POC1B: variants seen among roughly 807,000 people sequenced by gnomAD.
POC1B encodes the protein POC1 centriolar protein homolog B.
POC1B carries 44 observed loss-of-function variants against 60.6 expected under a neutral mutation model. The observed-to-expected ratio is 0.73, with a 90% CI of 0.57 to 0.93. POC1B has a LOEUF of 0.93. Ranked by LOEUF, POC1B falls within the 40% of genes least tolerant of loss-of-function variation. The pLI is 0.00. For missense variants in POC1B, 555 were observed against 572.3 expected, an observed-to-expected ratio of 0.97 and a Z score of 0.31; for synonymous variants, 180 against 198.9, an observed-to-expected ratio of 0.90 and a Z score of 0.80.
chr12:89,434,859 A>G (rs1273065691), intron 10 of POC1B, among the ~76,000 whole-genome samples: 1 of 152,234 alleles, frequency 6.6e-6, no homozygotes, highest in African/African-American at 2.4e-5. Flanking sequence ...ACAAACCCCA[A>G]AGAAAAAAAT....
In POC1B at chr12:89,459,721, G is replaced by A. The variant is rs369151825; in HGVS notation, c.1033-3C>T. The A allele has an allele frequency of 8.1e-5, 118 of 1,453,518 alleles. No individual in the cohort carries two copies. Among genetic ancestry groups the A allele is most frequent in the Non-Finnish European group, 1.0e-4 (114 of 1,088,968 alleles). The allele number at this position is 1,453,518 out of a possible 1,614,324, so 90.0% of individuals were successfully genotyped here. ...ATTACCTCAAGCTTTGGATTAATCTGTGTATATACATAAAAAAAAATTATG... is the reference window on the plus strand; with the variant it reads ...ATTACCTCAAGCTTTGGATTAATCTATGTATATACATAAAAAAAAATTATG... On this transcript the variant is annotated splice_region_variant and splice_polypyrimidine_tract_variant and intron_variant, in intron 9 of 11. Transcript: ENST00000313546.
In POC1B at chr12:89,430,243, A is replaced by G. The variant is rs1290406912; in HGVS notation, c.1114-4864T>C. Among the ~76,000 whole-genome samples the G allele has an allele frequency of 9.9e-5, 15 of 152,198 alleles. 1 individual carries two copies. The highest frequency in any genetic ancestry group is 3.3e-4 in the Admixed American group (5 of 15,280). ...GATCTGACTGATGCAAAGAACTACG[A>G]AAGTCCTGAGAACTGAATACAAAAC... On this transcript the variant is annotated intron_variant, in intron 10 of 11. Coordinates refer to ENST00000313546, the MANE Select transcript of POC1B (RefSeq NM_172240.3).
chr12:89,475,332 G>T (rs1883059922), intron 4 of POC1B, among the ~76,000 whole-genome samples: 1 of 152,182 alleles, frequency 6.6e-6, no homozygotes, highest in Non-Finnish European at 1.5e-5. Flanking sequence ...ACAGGCAGTG[G>T]CTGGGAAGAA....
At chr12:89,522,067 C>T (rs550261234) in intron 2 of POC1B, 6 of 398,984 alleles carry the variant, frequency 1.5e-5, no homozygotes, top group African/African-American at 6.2e-5. Flanking sequence ...CACACAAACA[C>T]GTTCACAGAG....
At chr12:89,442,172 A>C (rs1206722722) in intron 10 of POC1B, among the ~76,000 whole-genome samples, 3 of 152,226 alleles carry the variant, frequency 2.0e-5, no homozygotes, top group Admixed American at 2.0e-4. Context: ...CCAACTTGGA[A>C]AACACTCTTC....
Position 89,492,033 on chromosome 12 carries a change from T to C in POC1B, c.355A>G (p.Thr119Ala). Reference protein sequence around the residue: ...DFSADGQFLATASEDKSIKVW... With the variant: ...DFSADGQFLAAASEDKSIKVW... ...TTTATGGATTTGTCTTCAGAAGCTG[T>C]AGCTAGAAACTGGCCATCAGCTGAA... The change falls in exon 4 of 12, where the codon ACA (threonine) becomes GCA (alanine). Residue 119 changes from threonine (T) to alanine (A), a missense_variant. Transcript: ENST00000313546. 1.9e-6 allele frequency: 3 copies of C among 1,610,064 alleles called. No individual in the cohort carries two copies. Among genetic ancestry groups the C allele is most frequent in the Non-Finnish European group, 1.7e-6 (2 of 1,178,842 alleles).
chr12:89,450,450 C>A (rs1881995049), intron 10 of POC1B, among the ~76,000 whole-genome samples: 1 of 152,180 alleles, frequency 6.6e-6, no homozygotes, highest in Non-Finnish European at 1.5e-5. Flanking sequence ...TTGTGATTTG[C>A]CTGCCTCGGC....
At chr12:89,523,908 C>T (rs1871164045) in intron 2 of POC1B, 1 of 1,595,262 alleles carries the variant, frequency 6.3e-7, no homozygotes, top group African/African-American at 1.4e-5. Context: ...CGAAAGTGGC[C>T]CCAATCAGAC....
chr12:89,421,104 T>G lies in POC1B; in HGVS notation c.*49A>C, dbSNP rs895432743. 7.1e-7 allele frequency: 1 copy of G among 1,404,548 alleles called. No individual in the cohort carries two copies. The highest frequency in any genetic ancestry group is 1.9e-5 in the Admixed American group (1 of 52,376). The allele number at this position is 1,404,548 out of a possible 1,614,324, so 87.0% of individuals were successfully genotyped here. The stretch of plus-strand genomic sequence containing the variant: ...ACTACCTTCCTGAGTGTATGTACAT[T>G]TGTTCATTTATTGGGCCTCTGCCCA... On this transcript the variant is annotated 3_prime_UTR_variant, in exon 12 of 12. Coordinates refer to ENST00000313546, the MANE Select transcript of POC1B (RefSeq NM_172240.3).
intron 2 of POC1B, chr12:89,500,917 GA>G: frequency 1.0e-6 from 1 of 994,408 alleles, no homozygotes; most frequent in Non-Finnish European, 1.5e-6. Context: ...ACAGTAAAAC[GA>G]AAAAGTGAAT....
chr12:89,516,587 C>G (rs1262602692), intron 2 of POC1B, among the ~76,000 whole-genome samples: 1 of 152,208 alleles, frequency 6.6e-6, no homozygotes, highest in Non-Finnish European at 1.5e-5. Flanking sequence ...ATCCCTCCAA[C>G]AATTTCCACC....
chr12:89,500,550 A>G, intron 2 of POC1B: 1 of 1,607,054 alleles, frequency 6.2e-7, no homozygotes. Flanking sequence ...GAAGAATTTT[A>G]CTTATCTGTT....
chr12:89,421,973 T>TA (rs1215013319), intron 11 of POC1B, among the ~76,000 whole-genome samples: 2 of 152,168 alleles, frequency 1.3e-5, no homozygotes, highest in African/African-American at 4.8e-5. Flanking sequence ...ATATGTTTTA[T>TA]ATATATGTTA....
At chr12:89,495,452 T>C (rs1869197217) in intron 3 of POC1B, among the ~76,000 whole-genome samples, 2 of 152,330 alleles carry the variant, frequency 1.3e-5, no homozygotes, top group Middle Eastern at 6.8e-3. Context: ...TTTCTCAGCA[T>C]AGAGTTCCCC....
At chr12:89,421,552 C>A (rs551946811) in intron 11 of POC1B, among the ~76,000 whole-genome samples, 2 of 152,248 alleles carry the variant, frequency 1.3e-5, no homozygotes, top group East Asian at 3.9e-4. Context: ...GCACCAAAAC[C>A]AGGGAAGAGG....
chr12:89,439,362 T>G (rs1881417525), intron 10 of POC1B, among the ~76,000 whole-genome samples: 1 of 152,190 alleles, frequency 6.6e-6, no homozygotes, highest in African/African-American at 2.4e-5. Context: ...ATATTCGTCC[T>G]CTGCCTAGAA....
chr12:89,472,488 T>G, intron 4 of POC1B: 2 of 407,382 alleles, frequency 4.9e-6, no homozygotes, highest in Non-Finnish European at 8.6e-6. Flanking sequence ...CTATGTAGAC[T>G]AACCAAGTTG....
intron 10 of POC1B, among the ~76,000 whole-genome samples, chr12:89,455,801 AAC>A (rs1474176363): frequency 1.3e-5 from 2 of 152,196 alleles, no homozygotes; most frequent in African/African-American, 2.4e-5. Flanking sequence ...TGAAGATGAG[AAC>A]ACAGTGTCAA....
chr12:89,526,015 C>T lies in POC1B; in HGVS notation c.-120G>A. ...GAACCGTCTGCCCAGAGCGGCAGCGCCTCCCGGTCACTACAACAACGGCGG... is the reference window on the plus strand; with the variant it reads ...GAACCGTCTGCCCAGAGCGGCAGCGTCTCCCGGTCACTACAACAACGGCGG... On this transcript the variant is annotated 5_prime_UTR_variant, in exon 1 of 12. Coordinates refer to ENST00000313546, the MANE Select transcript of POC1B (RefSeq NM_172240.3). 1 of 1,538,742 alleles carries T rather than the reference C, an allele frequency of 6.5e-7. No individual in the cohort carries two copies. The highest frequency in any genetic ancestry group is 8.7e-7 in the Non-Finnish European group (1 of 1,145,854).
Sources: allele counts gnomAD v4.1 joint callset (sites outside exome capture counted in the v4.1 genomes callset), GRCh38; gene constraint gnomAD v4.1.1; transcripts MANE v1.5; gene names NCBI Gene and HGNC (gene_info 2026-07-23, HGNC 2026-07-21).